The following HAVCR2 variants were observed in gnomAD, a reference collection of about 807,000 sequenced individuals.
HAVCR2 encodes T cell immunoglobulin mucin 3.
In HAVCR2, 13 loss-of-function variants were observed where a neutral mutation model predicts 24.7. That is an observed-to-expected ratio of 0.53 (90% CI 0.34 to 0.84). The LOEUF is 0.84. HAVCR2 is among the 40% of genes least tolerant of loss of function. HAVCR2 has a pLI of 0.01. For missense variants in HAVCR2, 343 were observed against 371.2 expected (o/e 0.92, Z 0.62); for synonymous variants, 154 against 143.4 (o/e 1.07, Z -0.53).
Position 157,092,572 on chromosome 5 carries a change from G to T in HAVCR2, c.676+2734C>A, listed in dbSNP as rs201574344. 2.8e-4 allele frequency among the ~76,000 whole-genome samples: 42 copies of T among 151,858 alleles called. No individual in the cohort carries two copies. In the East Asian group the frequency reaches 8.2e-3, roughly 30 times the overall value. On this transcript the variant is annotated intron_variant, in intron 5 of 6. Transcript: ENST00000307851. ...AGTGATTCTCCCACCTCAGCTTCCC[G>T]AGTAGCTGGAATTATAGGCATGTGC...
chr5:157,099,480 G>GACCTCAGGTGATCTGCCC (rs1237539632), intron 3 of HAVCR2, among the ~76,000 whole-genome samples: 1 of 151,964 alleles, frequency 6.6e-6, no homozygotes, highest in African/African-American at 2.4e-5. Flanking sequence ...GTGAACTCCT[G>GACCTCAGGTGATCTGCCC]ACCTCAGGTG....
intron 5 of HAVCR2, among the ~76,000 whole-genome samples, chr5:157,092,889 A>ATAAAAAAAAAAAT (rs1271441762): frequency 1.4e-5 from 1 of 69,928 alleles, no homozygotes; most frequent in African/African-American, 5.3e-5. Context: ...AAAAAAAAAA[A>ATAAAAAAAAAAAT]AAAAAAAAAA....
chr5:157,098,931 G>GA, intron 3 of HAVCR2, 30 bp from the exon 4 acceptor site: 1 of 1,541,170 alleles, frequency 6.5e-7, no homozygotes, highest in Non-Finnish European at 8.9e-7. Context: ...GAGAGAGAGA[G>GA]GAAAAATAGC....
In HAVCR2 at chr5:157,106,653, A is replaced by C. The variant is rs372728833; in HGVS notation, c.368T>G (p.Phe123Cys). 30 of 1,614,082 alleles carry C rather than the reference A, an allele frequency of 1.9e-5. No individual in the cohort carries two copies. The highest frequency in any genetic ancestry group is 2.5e-5 in the Non-Finnish European group (29 of 1,180,032). ...TGGTTTGATGACCAACTTCAGGTTA[A>C]ATTTTTCATCATTCATTATGCCTGG... ...QIPGIMNDEK[F>C]NLKLVIKPAK... The change falls in exon 2 of 7, where the codon TTT becomes TGT. Residue 123 changes from phenylalanine (F) to cysteine (C), a missense_variant. Phe to Cys is a radical substitution (Grantham distance 205). Transcript: ENST00000307851.
intron 4 of HAVCR2, among the ~76,000 whole-genome samples, chr5:157,097,065 A>G (rs999269395): frequency 6.6e-6 from 1 of 152,076 alleles, no homozygotes; most frequent in African/African-American, 2.4e-5. Flanking sequence ...TTACTCCTGC[A>G]ATAACAGGAG....
chr5:157,092,597 C>T (rs1757020588), intron 5 of HAVCR2, among the ~76,000 whole-genome samples: 1 of 151,962 alleles, frequency 6.6e-6, no homozygotes, highest in Admixed American at 6.6e-5. Flanking sequence ...TAGGCATGTG[C>T]CCCCATGCCC....
chr5:157,098,762 T>G, intron 4 of HAVCR2, 96 bp downstream of exon 4: 2 of 1,174,584 alleles, frequency 1.7e-6, no homozygotes, highest in South Asian at 2.8e-5. Context: ...ACTTAAGGCT[T>G]TTTACCCCAA....
intron 5 of HAVCR2, among the ~76,000 whole-genome samples, chr5:157,092,138 TTATA>T (rs56964780): frequency 0.27 from 39,758 of 146,030 alleles, 6,442 homozygotes; most frequent in South Asian, 0.48. Flanking sequence ...TATGGTCATA[TTATA>T]TATATATATA....
At position 157,089,544 on chromosome 5, in the gene HAVCR2, A is replaced by C. The variant is rs184841442; in HGVS notation, c.677-567T>G. Among the ~76,000 whole-genome samples the C allele has an allele frequency of 3.3e-3, 505 of 152,172 alleles. 2 individuals are homozygous for C. Among genetic ancestry groups the C allele is most frequent in the Admixed American group, 0.011 (161 of 15,278 alleles). On this transcript the variant is annotated intron_variant, in intron 5 of 6. Transcript: ENST00000307851. Reference sequence around the variant, plus strand: ...AGAGCGAAACTCCGTCTCAAAAAAAAAAAAACAACAACAAAAAGGAAATAG... The same window carrying C: ...AGAGCGAAACTCCGTCTCAAAAAAACAAAAACAACAACAAAAAGGAAATAG...
intron 4 of HAVCR2, 71 bp from the exon 5 acceptor site, chr5:157,095,530 G>C: frequency 6.5e-7 from 1 of 1,546,508 alleles, no homozygotes; most frequent in Non-Finnish European, 8.9e-7. Context: ...TTCAAGATTT[G>C]TGAATTGGAC....
At chr5:157,104,892 C>G (rs1757224331) in intron 2 of HAVCR2, 143 bp from the exon 3 acceptor site, 1 of 563,418 alleles carries the variant, frequency 1.8e-6, no homozygotes, top group Non-Finnish European at 3.2e-6. Flanking sequence ...TGCCTGGATA[C>G]CTACGTTGAG....
intron 6 of HAVCR2, 29 bp downstream of exon 6, chr5:157,088,911 CT>C: frequency 6.3e-7 from 1 of 1,596,862 alleles, no homozygotes; most frequent in Non-Finnish European, 8.6e-7. Context: ...AGATTCTCAC[CT>C]TTTCCCAACC....
At chr5:157,096,668 T>C (rs190232619) in intron 4 of HAVCR2, among the ~76,000 whole-genome samples, 1 of 152,032 alleles carries the variant, frequency 6.6e-6, no homozygotes, top group African/African-American at 2.4e-5. Flanking sequence ...TCCCAGCTAT[T>C]TGGGAGGCTG....
intron 4 of HAVCR2, among the ~76,000 whole-genome samples, chr5:157,098,194 G>A (rs1442747905): frequency 6.6e-6 from 1 of 152,040 alleles, no homozygotes; most frequent in African/African-American, 2.4e-5. Context: ...ATCACCTGAG[G>A]TCAGGAGTTC....
At chr5:157,107,147 C>T (rs539746824) in intron 1 of HAVCR2, 185 bp from the exon 2 acceptor site, 13 of 573,000 alleles carry the variant, frequency 2.3e-5, no homozygotes, top group East Asian at 1.1e-4. Context: ...GGAAGCCTTG[C>T]GAAAACACAG....
intron 6 of HAVCR2, among the ~76,000 whole-genome samples, chr5:157,088,345 G>T (rs1756943692): frequency 6.6e-6 from 1 of 152,152 alleles, no homozygotes; most frequent in African/African-American, 2.4e-5. Flanking sequence ...CAGGAACGAA[G>T]GTCAAGACAG....
chr5:157,088,965 C>T lies in HAVCR2; in HGVS notation c.689G>A (p.Ser230Asn). ...CCTTAAATTCTGTATCTTCTCTTTG[C>T]TATGAGAATACCCTAGTAAGGGGGA... The part of the protein sequence containing the change: ...GALIFKWYSH[S>N]KEKIQNLSLI... Residue 230 changes from serine to asparagine, a missense_variant, in exon 6 of 7, where the codon AGC becomes AAC. Transcript: ENST00000307851. 1.2e-6 allele frequency: 2 copies of T among 1,607,924 alleles called. No individual in the cohort carries two copies. Among genetic ancestry groups the T allele is most frequent in the African/African-American group, 2.7e-5 (2 of 74,650 alleles).
chr5:157,107,715 G>A (rs74626883), intron 1 of HAVCR2, among the ~76,000 whole-genome samples: 159 of 152,186 alleles, frequency 1.0e-3, no homozygotes, highest in African/African-American at 3.7e-3. Context: ...GAAATTCCTG[G>A]TCAGCTGTGC....
Position 157,087,530 on chromosome 5 carries a change from G to C in HAVCR2, c.714-236C>G, listed in dbSNP as rs34293912. On this transcript the variant is annotated intron_variant, in intron 6 of 6. Transcript: ENST00000307851. Reference sequence around the variant, plus strand: ...ATAACAACAGCATTGTGATAGCTAAGAGAATATTTTTATTTCTCGGAGGTG... The same window carrying C: ...ATAACAACAGCATTGTGATAGCTAACAGAATATTTTTATTTCTCGGAGGTG... 4.5e-3 allele frequency among the ~76,000 whole-genome samples: 688 copies of C among 152,246 alleles called. 1 individual carries two copies. The highest frequency in any genetic ancestry group is 7.1e-3 in the Non-Finnish European group (486 of 68,012).
Sources: gnomAD v4.1 joint callset for allele counts (sites outside exome capture counted in the v4.1 genomes callset) on GRCh38, gnomAD v4.1.1 for gene constraint, MANE v1.5 for transcripts, NCBI Gene and HGNC (gene_info 2026-07-23, HGNC 2026-07-21) for gene names.